Variants in ZPBP2 observed in about 807,000 individuals in gnomAD.
ZPBP2 encodes zona pellucida-binding protein 2.
Under a neutral mutation model 37.5 loss-of-function variants are expected in ZPBP2, and 34 were observed. That is an observed-to-expected ratio of 0.91 (90% CI 0.69 to 1.21). The LOEUF is 1.21. Among genes scored for constraint, ZPBP2 ranks in the 50% most tolerant of loss-of-function variants. The pLI is 0.00. For synonymous variants in ZPBP2, 143 were observed against 138.4 expected (o/e 1.03, Z -0.23); for missense variants, 397 against 413.5 (o/e 0.96, Z 0.35).
At chr17:39,870,294 C>T (rs1038377624) in intron 2 of ZPBP2, among the ~76,000 whole-genome samples, 4 of 151,856 alleles carry the variant, frequency 2.6e-5, no homozygotes, top group South Asian at 2.1e-4. Flanking sequence ...TCCGCTCCCT[C>T]GGCCTTCCAA....
In ZPBP2 at chr17:39,873,060, G is replaced by A. The variant is rs572773270; in HGVS notation, c.642G>A (p.Pro214=). The stretch of plus-strand genomic sequence containing the variant: ...TCTCTTCAGTTAATCCTTTTGCGCC[G>A]GGGTGGAAAGGTGCTTGCAATGGAT... The part of the protein sequence containing the change: ...FIAFQVNPFA[P]GWKGACNGSV... Residue 214 remains proline (P), a synonymous_variant, in exon 6 of 8, where the codon CCG becomes CCA. Transcript: ENST00000348931. 7.4e-6 allele frequency: 12 copies of A among 1,610,794 alleles called. No individual in the cohort carries two copies. Among genetic ancestry groups the A allele is most frequent in the South Asian group, 5.5e-5 (5 of 90,362 alleles).
At chr17:39,872,125 G>T in intron 4 of ZPBP2, 145 bp from the exon 5 acceptor site, 1 of 560,320 alleles carries the variant, frequency 1.8e-6, no homozygotes, top group Non-Finnish European at 3.0e-6. Flanking sequence ...ATTTTTGTGA[G>T]GACTAACTGA....
intron 7 of ZPBP2, among the ~76,000 whole-genome samples, 188 bp downstream of exon 7, chr17:39,875,622 A>G (rs1385345051): frequency 2.0e-5 from 3 of 150,706 alleles, no homozygotes; most frequent in Admixed American, 6.6e-5. Flanking sequence ...TTTTTGAGAT[A>G]GAGTCTCACT....
chr17:39,871,611 A>G lies in ZPBP2; in HGVS notation c.392A>G (p.Asp131Gly), dbSNP rs758098246. The change falls in exon 4 of 8, where the codon GAC (aspartate) becomes GGC (glycine). Residue 131 changes from aspartate to glycine, a missense_variant. Physicochemically the swap from Asp to Gly is moderately conservative, Grantham distance 94 (BLOSUM62 -1). Coordinates refer to ENST00000348931, the MANE Select transcript of ZPBP2 (RefSeq NM_199321.3). ...GAAAAAACAGTCAAAAAGAGATATG[A>G]CTTTATGGTCTTTGGTAAGAATTTA... Reference protein sequence around the residue: ...QEEKTVKKRYDFMVFAYREPD... With the variant: ...QEEKTVKKRYGFMVFAYREPD... 5.1e-6 allele frequency: 8 copies of G among 1,569,894 alleles called. No individual in the cohort carries two copies. In the South Asian group the frequency reaches 7.3e-5, roughly 14 times the overall value.
At chr17:39,874,938 A>G (rs2063382493) in intron 6 of ZPBP2, among the ~76,000 whole-genome samples, 1 of 151,744 alleles carries the variant, frequency 6.6e-6, no homozygotes, top group Non-Finnish European at 1.5e-5. Flanking sequence ...TTTAATAGAG[A>G]TGGAGTTTTA....
At chr17:39,868,447 C>T in intron 1 of ZPBP2, 41 bp downstream of exon 1, 1 of 1,611,714 alleles carries the variant, frequency 6.2e-7, no homozygotes, top group South Asian at 1.1e-5. Context: ...TCTCCCTCTG[C>T]CCGAGCTTCC....
chr17:39,877,515 T>A lies in ZPBP2; in HGVS notation c.*706T>A, dbSNP rs974580534. 6.6e-6 allele frequency: 1 copy of A among 152,192 alleles called. No individual in the cohort carries two copies. The highest frequency in any genetic ancestry group is 2.4e-5 in the African/African-American group (1 of 41,432). The allele number at this position is 152,192 out of a possible 1,614,324, so 9.4% of individuals were successfully genotyped here. ...TAAGGTTATGTGGGTTTTGACAAATTCATAATGGCATGTGTGCACCATTGC... is the reference window on the plus strand; with the variant it reads ...TAAGGTTATGTGGGTTTTGACAAATACATAATGGCATGTGTGCACCATTGC... On this transcript the variant is annotated 3_prime_UTR_variant, in exon 8 of 8. Coordinates refer to ENST00000348931, the MANE Select transcript of ZPBP2 (RefSeq NM_199321.3).
chr17:39,868,493 G>A (rs2063346278), intron 1 of ZPBP2, 56 bp from the exon 2 acceptor site: 4 of 1,613,486 alleles, frequency 2.5e-6, no homozygotes, highest in African/African-American at 1.3e-5. Flanking sequence ...TGCCCTGCCC[G>A]ACTCTGAACC....
intron 6 of ZPBP2, among the ~76,000 whole-genome samples, chr17:39,874,653 G>A (rs372423060): frequency 2.0e-5 from 3 of 150,432 alleles, no homozygotes; most frequent in Non-Finnish European, 3.0e-5. Flanking sequence ...GGCTAGTCTC[G>A]AACTCGTGGC....
At chr17:39,869,550 G>A (rs2063352365) in intron 2 of ZPBP2, among the ~76,000 whole-genome samples, 1 of 149,548 alleles carries the variant, frequency 6.7e-6, no homozygotes, top group South Asian at 2.1e-4. Context: ...GATTACAGGC[G>A]TGCGCCACCA....
chr17:39,872,541 AT>A, intron 5 of ZPBP2, 53 bp downstream of exon 5: 1 of 1,107,562 alleles, frequency 9.0e-7, no homozygotes, highest in Non-Finnish European at 1.3e-6. Context: ...ACCATAATAG[AT>A]TACAAAATTA....
At position 39,868,206 on chromosome 17, in the gene ZPBP2, GTCCGCTCCCGCCGTTGC is replaced by G; in HGVS notation, c.-148_-132del. 1.3e-6 allele frequency: 1 copy of G among 799,708 alleles called. No individual in the cohort carries two copies. The highest frequency in any genetic ancestry group is 1.9e-6 in the Non-Finnish European group (1 of 521,552). 49.5% of individuals were successfully genotyped at this position (799,708 alleles called of 1,614,324 possible). A position where few individuals can be genotyped will look rare whatever the true frequency, so the allele number is the denominator to read the frequency against. On this transcript the variant is annotated 5_prime_UTR_variant, in exon 1 of 8. Transcript: ENST00000348931. ...GAAGCACGCACGCGTTCTCCTGCGC[GTCCGCTCCCGCCGTTGC>G]GACGGACGGGTAGGGGAGGCGACCC...
chr17:39,868,853 C>T (rs2063348416), intron 2 of ZPBP2, among the ~76,000 whole-genome samples: 1 of 152,186 alleles, frequency 6.6e-6, no homozygotes, highest in African/African-American at 2.4e-5. Flanking sequence ...TTCCAGATCT[C>T]TCTCTCAGAT....
In ZPBP2 at chr17:39,877,890, A is replaced by G. The variant is rs1598265747; in HGVS notation, c.*1081A>G. 2.6e-5 allele frequency: 4 copies of G among 152,304 alleles called. No homozygotes were observed. The highest frequency in any genetic ancestry group is 3.9e-4 in the East Asian group (2 of 5,192). The allele number at this position is 152,304 out of a possible 1,614,324, so 9.4% of individuals were successfully genotyped here. On this transcript the variant is annotated 3_prime_UTR_variant, in exon 8 of 8. Transcript: ENST00000348931. ...TTCAGTGATTAAAAATAAAGCCGCTATAAACATTTGTGTGCAGGTTTTTGT... is the reference window on the plus strand; with the variant it reads ...TTCAGTGATTAAAAATAAAGCCGCTGTAAACATTTGTGTGCAGGTTTTTGT...
rs555665031 is a variant in ZPBP2, at chr17:39,876,842, C to T, written c.*33C>T. 38 of 1,610,302 alleles carry T rather than the reference C, an allele frequency of 2.4e-5. No individual in the cohort carries two copies. In the East Asian group the frequency reaches 2.7e-4, roughly 11 times the overall value. ...AGCATTGTTACTTACTTGTGGAAGT[C>T]GGGGACATAAGATGATTTTCACATC... On this transcript the variant is annotated 3_prime_UTR_variant, in exon 8 of 8. Coordinates refer to ENST00000348931, the MANE Select transcript of ZPBP2 (RefSeq NM_199321.3).
rs1240075676 is a variant in ZPBP2 at position 39,877,598 on chromosome 17, C to T, written c.*789C>T. Reference sequence around the variant, plus strand: ...AATCCTGTGCTTCACTTATTTATCCCTCCCGCCGTGCCCTGGCAACCACTG... The same window carrying T: ...AATCCTGTGCTTCACTTATTTATCCTTCCCGCCGTGCCCTGGCAACCACTG... On this transcript the variant is annotated 3_prime_UTR_variant, in exon 8 of 8. Coordinates refer to ENST00000348931, the MANE Select transcript of ZPBP2 (RefSeq NM_199321.3). 2 of 152,146 alleles carry T rather than the reference C, an allele frequency of 1.3e-5. No individual in the cohort carries two copies. The highest frequency in any genetic ancestry group is 4.8e-5 in the African/African-American group (2 of 41,432). 9.4% of individuals were successfully genotyped at this position (152,146 alleles called of 1,614,324 possible). A position where few individuals can be genotyped will look rare whatever the true frequency, so the allele number is the denominator to read the frequency against.
At chr17:39,869,757 G>A (rs1208175964) in intron 2 of ZPBP2, among the ~76,000 whole-genome samples, 8 of 136,680 alleles carry the variant, frequency 5.9e-5, no homozygotes, top group African/African-American at 2.1e-4. Flanking sequence ...CCATTGCCCA[G>A]GCTGGAGTGC....
chr17:39,875,841 G>A (rs548375659), intron 7 of ZPBP2, among the ~76,000 whole-genome samples: 2 of 143,334 alleles, frequency 1.4e-5, no homozygotes, highest in South Asian at 2.2e-4. Flanking sequence ...CTTGGCTTCC[G>A]AAAGTGCTGG....
chr17:39,873,540 T>G (rs2063375121), intron 6 of ZPBP2, among the ~76,000 whole-genome samples: 1 of 152,142 alleles, frequency 6.6e-6, no homozygotes, highest in Non-Finnish European at 1.5e-5. Flanking sequence ...TTTTTTTTTC[T>G]TTCTCAAAAG....
Sources: gnomAD v4.1 joint callset for allele counts (sites outside exome capture counted in the v4.1 genomes callset) on GRCh38, gnomAD v4.1.1 for gene constraint, MANE v1.5 for transcripts, NCBI Gene and HGNC (gene_info 2026-07-23, HGNC 2026-07-21) for gene names.